The following RASSF8 variants were observed in gnomAD, a reference collection of about 807,000 sequenced individuals.
The protein encoded by RASSF8 is ras association domain-containing protein 8.
A neutral mutation model predicts 48.5 loss-of-function variants in RASSF8; 22 were observed. The ratio of observed to expected loss-of-function variants is 0.45; its 90% CI spans 0.32 to 0.65. RASSF8 has a LOEUF of 0.65. Ranked by LOEUF, RASSF8 falls within the 30% of genes least tolerant of loss-of-function variation. RASSF8 has a pLI of 0.03. For missense variants in RASSF8, 418 were observed against 489.2 expected (o/e 0.85, Z 1.37); for synonymous variants, 127 against 171.5 (o/e 0.74, Z 2.03).
intron 1 of RASSF8, among the ~76,000 whole-genome samples, chr12:25,965,200 C>G (rs373584433): frequency 1.0e-3 from 158 of 152,252 alleles, no homozygotes; most frequent in African/African-American, 3.6e-3. Flanking sequence ...CTCGGCCTCC[C>G]AAAGTGCTGG....
In RASSF8 at chr12:26,070,663, A is replaced by G. The variant is rs1591823684; in HGVS notation, c.*1845A>G. ...AGATTTTGTGACAGTAATGATTTACATATGCCCAATATATGCCTTATTTTT... is the reference window on the plus strand; with the variant it reads ...AGATTTTGTGACAGTAATGATTTACGTATGCCCAATATATGCCTTATTTTT... On this transcript the variant is annotated 3_prime_UTR_variant, in exon 6 of 6. Transcript: ENST00000689635. The G allele has an allele frequency of 9.5e-6, 9 of 945,022 alleles. No individual in the cohort carries two copies. The South Asian group carries it at 2.9e-4, about 31-fold the overall frequency. The allele number at this position is 945,022 out of a possible 1,614,324, so 58.5% of individuals were successfully genotyped here. A position where few individuals can be genotyped will look rare whatever the true frequency, so the allele number is the denominator to read the frequency against.
chr12:26,066,430 C>T (rs984070453), intron 4 of RASSF8, among the ~76,000 whole-genome samples: 1 of 152,182 alleles, frequency 6.6e-6, no homozygotes, highest in Non-Finnish European at 1.5e-5. Context: ...TTAGGAAGAA[C>T]TGATGTGATC....
intron 2 of RASSF8, among the ~76,000 whole-genome samples, chr12:26,010,377 C>T (rs1942493664): frequency 6.6e-6 from 1 of 152,136 alleles, no homozygotes; most frequent in Non-Finnish European, 1.5e-5. Flanking sequence ...GGCACAGAGC[C>T]TGTAGAATAA....
rs1941633697 is a variant in RASSF8 at position 25,977,442 on chromosome 12, A to G, written c.-202-17595A>G. 2.0e-5 allele frequency among the ~76,000 whole-genome samples: 3 copies of G among 152,318 alleles called. 1 individual carries two copies. Among genetic ancestry groups the G allele is most frequent in the Admixed American group, 1.3e-4 (2 of 15,304 alleles). On this transcript the variant is annotated intron_variant, in intron 1 of 5. Transcript: ENST00000689635. Reference sequence around the variant, plus strand: ...TTTTCTTCTATTTAAGGAACAACCCAACTTCCTACTAAGTCTCTTTCATTT... The same window carrying G: ...TTTTCTTCTATTTAAGGAACAACCCGACTTCCTACTAAGTCTCTTTCATTT...
chr12:26,066,293 T>C (rs1421419107), intron 4 of RASSF8, among the ~76,000 whole-genome samples: 1 of 152,132 alleles, frequency 6.6e-6, no homozygotes, highest in East Asian at 1.9e-4. Flanking sequence ...TCCAGGGTAC[T>C]ACTTGTAAGA....
chr12:26,039,270 ATC>A (rs140327300), intron 2 of RASSF8, among the ~76,000 whole-genome samples: 1,700 of 152,288 alleles, frequency 0.011, 28 homozygotes, highest in African/African-American at 0.035. Context: ...GTGGAACGTG[ATC>A]TCTCTGTCTG....
exon 6 of RASSF8, chr12:26,079,157 A>G (rs1167005518): frequency 2.1e-5 from 19 of 922,604 alleles, no homozygotes; most frequent in Non-Finnish European, 2.9e-5. Context: ...ACAACAAAGG[A>G]AACGATCACC....
chr12:25,986,972 G>A (rs914088384), intron 1 of RASSF8, among the ~76,000 whole-genome samples: 4 of 151,336 alleles, frequency 2.6e-5, no homozygotes, highest in Admixed American at 6.6e-5. Context: ...AGTTTCGCTC[G>A]TCGCCCAGGC....
intron 3 of RASSF8, among the ~76,000 whole-genome samples, chr12:26,057,033 A>G (rs1380137060): frequency 1.3e-5 from 2 of 152,040 alleles, no homozygotes; most frequent in African/African-American, 4.8e-5. Flanking sequence ...GAAAAAAAAA[A>G]GTAGTTTTTA....
intron 2 of RASSF8, among the ~76,000 whole-genome samples, chr12:26,008,389 G>C (rs1287843009): frequency 6.6e-6 from 1 of 152,170 alleles, no homozygotes; most frequent in Non-Finnish European, 1.5e-5. Context: ...CCTGTGAGCT[G>C]CTATAGCTAC....
At chr12:25,966,147 A>G (rs1376624283) in intron 1 of RASSF8, among the ~76,000 whole-genome samples, 1 of 152,240 alleles carries the variant, frequency 6.6e-6, no homozygotes, top group Non-Finnish European at 1.5e-5. Context: ...TTACATTCTT[A>G]ACCACCAGCA....
At chr12:25,970,710 T>G (rs1365486707) in intron 1 of RASSF8, among the ~76,000 whole-genome samples, 1 of 152,194 alleles carries the variant, frequency 6.6e-6, no homozygotes, top group Admixed American at 6.5e-5. Context: ...TCTCACACCC[T>G]GGGCTGGTCA....
intron 1 of RASSF8, among the ~76,000 whole-genome samples, chr12:25,981,113 A>G (rs144294867): frequency 3.3e-5 from 5 of 152,230 alleles, no homozygotes; most frequent in Non-Finnish European, 5.9e-5. Flanking sequence ...TTCTGGCATA[A>G]TAACAGGACC....
chr12:26,040,048 GATTA>G (rs1234245612), intron 2 of RASSF8, among the ~76,000 whole-genome samples: 1 of 152,074 alleles, frequency 6.6e-6, no homozygotes, highest in African/African-American at 2.4e-5. Flanking sequence ...TCTTGACTTT[GATTA>G]ATCTCTCAGC....
intron 2 of RASSF8, among the ~76,000 whole-genome samples, chr12:26,007,316 A>C (rs745515057): frequency 2.6e-5 from 4 of 152,198 alleles, no homozygotes; most frequent in Non-Finnish European, 5.9e-5. Flanking sequence ...TCAAAGTTTG[A>C]ATCTTTTGTA....
At chr12:26,067,174 G>T (rs1300593990) in intron 4 of RASSF8, among the ~76,000 whole-genome samples, 1 of 152,258 alleles carries the variant, frequency 6.6e-6, no homozygotes, top group African/African-American at 2.4e-5. Flanking sequence ...CTGCAACACA[G>T]AGATGGGTAA....
chr12:26,069,308 T>G lies in RASSF8; in HGVS notation c.*490T>G. ...CAGACTCCATCCATGCATTGCTGAT[T>G]TACACTACACAAGTGTCCTAGGGTG... is the stretch of plus-strand genomic sequence containing the variant. On this transcript the variant is annotated 3_prime_UTR_variant, in exon 6 of 6. Transcript: ENST00000689635. 1.0e-6 allele frequency: 1 copy of G among 985,688 alleles called. No individual in the cohort carries two copies. 61.1% of individuals were successfully genotyped at this position (985,688 alleles called of 1,614,324 possible).
At chr12:26,033,382 A>G (rs1021129699) in intron 2 of RASSF8, among the ~76,000 whole-genome samples, 2 of 152,202 alleles carry the variant, frequency 1.3e-5, no homozygotes, top group East Asian at 1.9e-4. Context: ...TGATTTCACA[A>G]TATAAAATGA....
At chr12:25,995,550 C>G (rs1459925081) in intron 2 of RASSF8, among the ~76,000 whole-genome samples, 1 of 152,158 alleles carries the variant, frequency 6.6e-6, no homozygotes, top group African/African-American at 2.4e-5. Flanking sequence ...TGATGGCTAA[C>G]TAGTTTTTCA....
Sources: gnomAD v4.1 joint callset for allele counts (sites outside exome capture counted in the v4.1 genomes callset) on GRCh38, gnomAD v4.1.1 for gene constraint, MANE v1.5 for transcripts, NCBI Gene and HGNC (gene_info 2026-07-23, HGNC 2026-07-21) for gene names.